TUSC3: variants seen among roughly 807,000 people sequenced by gnomAD.
TUSC3 encodes dolichyl-diphosphooligosaccharide--protein glycosyltransferase subunit TUSC3.
TUSC3 carries 45 observed loss-of-function variants against 44.8 expected under a neutral mutation model. That is an observed-to-expected ratio of 1.00 (90% CI 0.79 to 1.29). TUSC3 has a LOEUF of 1.29. Among genes scored for constraint, TUSC3 ranks in the 50% most tolerant of loss-of-function variants. The probability of loss-of-function intolerance (pLI) is 0.00; values close to 1 mark genes in which losing one functional copy is unlikely to be tolerated. For missense variants in TUSC3, 519 were observed against 437.9 expected (o/e 1.19, Z -1.65); for synonymous variants, 212 against 152.9 (o/e 1.39, Z -2.85).
chr8:15,796,275 T>C, the TUSC3 span, among the ~76,000 whole-genome samples: 1 of 152,038 alleles, frequency 6.6e-6, no homozygotes, highest in African/African-American at 2.4e-5. Flanking sequence ...AACAGACTCA[T>C]GTGGTGTATC....
chr8:15,817,910 C>G, the TUSC3 span, among the ~76,000 whole-genome samples: 1 of 152,030 alleles, frequency 6.6e-6, no homozygotes, highest in Non-Finnish European at 1.5e-5. Context: ...AAGAGAAATC[C>G]CACAGACTTC....
the TUSC3 span, among the ~76,000 whole-genome samples, chr8:15,831,717 T>G: frequency 2.0e-5 from 3 of 151,936 alleles, no homozygotes; most frequent in African/African-American, 7.3e-5. Flanking sequence ...CTTTCTGAAA[T>G]AAGACAGTCA....
intron 7 of TUSC3, among the ~76,000 whole-genome samples, chr8:15,736,589 T>G (rs1585283864): frequency 6.6e-6 from 1 of 152,146 alleles, no homozygotes; most frequent in Non-Finnish European, 1.5e-5. Context: ...CTAAATACAC[T>G]TATAAATATG....
At chr8:15,818,868 G>A in the TUSC3 span, among the ~76,000 whole-genome samples, 29 of 152,276 alleles carry the variant, frequency 1.9e-4, no homozygotes, top group South Asian at 5.6e-3. Context: ...GGTGAAGGCT[G>A]TATTGAAATA....
At chr8:15,438,089 C>T (rs1349702687) in intron 1 of TUSC3, among the ~76,000 whole-genome samples, 2 of 152,004 alleles carry the variant, frequency 1.3e-5, no homozygotes, top group African/African-American at 2.4e-5. Flanking sequence ...GCTTTGTTGT[C>T]GATGTGTGTT....
At chr8:15,806,410 TG>T in the TUSC3 span, 1 of 682,540 alleles carries the variant, frequency 1.5e-6, no homozygotes, top group African/African-American at 2.7e-5. Flanking sequence ...GGTGATACTT[TG>T]GGTGCATTTG....
In TUSC3 at chr8:15,609,821, C is replaced by T. The variant is rs371317524; in HGVS notation, c.139-13259C>T. On this transcript the variant is annotated intron_variant, in intron 1 of 10. Coordinates refer to ENST00000503731, the MANE Select transcript of TUSC3 (RefSeq NM_006765.4). ...GTAACTCCCAAAACCAAAAAAAGGC[C>T]ATTTTCAACTATTTACATGACTTTA... is the stretch of plus-strand genomic sequence containing the variant. Among the ~76,000 whole-genome samples, 23 of 151,888 alleles carry T rather than the reference C, an allele frequency of 1.5e-4. No homozygotes were observed. In the East Asian group the frequency reaches 3.7e-3, roughly 24 times the overall value.
intron 6 of TUSC3, among the ~76,000 whole-genome samples, chr8:15,682,877 C>G (rs985543336): frequency 6.7e-6 from 1 of 148,426 alleles, no homozygotes; most frequent in Non-Finnish European, 1.5e-5. Flanking sequence ...GTGATTGATT[C>G]TCTGGGAAAG....
At chr8:15,456,618 T>C (rs1168440571) in intron 1 of TUSC3, among the ~76,000 whole-genome samples, 1 of 152,100 alleles carries the variant, frequency 6.6e-6, no homozygotes, top group Non-Finnish European at 1.5e-5. Flanking sequence ...GGAACTTTGA[T>C]GTAGACAGAG....
At position 15,766,427 on chromosome 8, in the gene TUSC3, A is replaced by G. The variant is rs1812328156; in HGVS notation, c.*2271A>G. 6.6e-6 allele frequency: 1 copy of G among 152,126 alleles called. No individual in the cohort carries two copies. Among genetic ancestry groups the G allele is most frequent in the Admixed American group, 6.6e-5 (1 of 15,244 alleles). The allele number at this position is 152,126 out of a possible 1,614,324, so 9.4% of individuals were successfully genotyped here. ...TTGTACCTGGTATGTTATATCCTCC[A>G]GTGTCACTTTTTAACCAGATTCACT... On this transcript the variant is annotated 3_prime_UTR_variant, in exon 11 of 11. Coordinates refer to ENST00000503731, the MANE Select transcript of TUSC3 (RefSeq NM_006765.4).
intron 1 of TUSC3, among the ~76,000 whole-genome samples, chr8:15,598,867 A>G (rs1585139509): frequency 6.6e-6 from 1 of 151,636 alleles, no homozygotes; most frequent in East Asian, 1.9e-4. Context: ...GTTGCTTCTG[A>G]GTTTTGGTAA....
chr8:15,705,377 A>G (rs921640981), intron 6 of TUSC3, among the ~76,000 whole-genome samples: 3 of 152,118 alleles, frequency 2.0e-5, no homozygotes, highest in South Asian at 2.1e-4. Context: ...TCCAGAATCT[A>G]TTCATTTTTA....
At chr8:15,709,615 T>TGAG (rs911604106) in intron 6 of TUSC3, among the ~76,000 whole-genome samples, 1 of 151,738 alleles carries the variant, frequency 6.6e-6, no homozygotes, top group African/African-American at 2.4e-5. Context: ...ATGTGGATGA[T>TGAG]GAGGAGGAGG....
Position 15,457,386 on chromosome 8 carries a change from T to C in TUSC3, n.92-26000T>C, listed in dbSNP as rs575878369. 2.7e-4 allele frequency among the ~76,000 whole-genome samples: 41 copies of C among 151,778 alleles called. 1 individual carries two copies. The highest frequency in any genetic ancestry group is 9.2e-4 in the African/African-American group (38 of 41,474). On this transcript the variant is annotated intron_variant and non_coding_transcript_variant, in intron 1 of 5. Transcript: ENST00000503191. Reference sequence around the variant, plus strand: ...AGACTTTTCTGAAGAGAAAAACATATGGCCAATAATCATATGTGATTGGTA... The same window carrying C: ...AGACTTTTCTGAAGAGAAAAACATACGGCCAATAATCATATGTGATTGGTA...
chr8:15,728,701 G>C (rs1489339108), intron 6 of TUSC3, among the ~76,000 whole-genome samples: 3 of 152,072 alleles, frequency 2.0e-5, no homozygotes, highest in Non-Finnish European at 2.9e-5. Context: ...ACTAATGTGA[G>C]AATCAATATA....
At chr8:15,429,501 G>T (rs1799846020) in intron 1 of TUSC3, among the ~76,000 whole-genome samples, 1 of 151,278 alleles carries the variant, frequency 6.6e-6, no homozygotes, top group African/African-American at 2.5e-5. Context: ...TTCCAATTCT[G>T]TGAAGAAAGT....
chr8:15,515,691 G>A lies in TUSC3; in HGVS notation n.189+32208G>A, dbSNP rs548355596. ...ATGTATATACATATTTTTTTGAGAC[G>A]GAGTCTCACTCTGTCACCCAGACTG... On this transcript the variant is annotated intron_variant and non_coding_transcript_variant, in intron 2 of 5. Transcript: ENST00000503191. Among the ~76,000 whole-genome samples the A allele has an allele frequency of 9.9e-5, 15 of 151,590 alleles. No homozygotes were observed. The South Asian group carries it at 1.5e-3, about 15-fold the overall frequency.
At chr8:15,459,856 ATG>A (rs556167735) in intron 1 of TUSC3, among the ~76,000 whole-genome samples, 2,400 of 139,326 alleles carry the variant, frequency 0.017, 59 homozygotes, top group African/African-American at 0.054. Flanking sequence ...GTGTGTGTGT[ATG>A]TGTGTGTGTG....
chr8:15,420,842 T>C (rs1410807613), intron 1 of TUSC3, among the ~76,000 whole-genome samples: 1 of 152,140 alleles, frequency 6.6e-6, no homozygotes, highest in Non-Finnish European at 1.5e-5. Flanking sequence ...TTGTTCTCAG[T>C]CTTTTATGTT....
Sources: gnomAD v4.1 joint callset for allele counts (sites outside exome capture counted in the v4.1 genomes callset) on GRCh38, gnomAD v4.1.1 for gene constraint, MANE v1.5 for transcripts, NCBI Gene and HGNC (gene_info 2026-07-23, HGNC 2026-07-21) for gene names.